Variants in RAB9B observed in about 807,000 individuals in gnomAD.
RAB9B encodes ras-related protein Rab-9B.
Under a neutral mutation model 8.9 loss-of-function variants are expected in RAB9B, and 1 was observed. That is an observed-to-expected ratio of 0.11 (90% CI 0.04 to 0.53). The LOEUF (loss-of-function observed/expected upper bound fraction) is 0.53. RAB9B is among the 20% of genes least tolerant of loss of function. RAB9B has a pLI of 0.93. For synonymous variants in RAB9B, 63 were observed against 57.0 expected (o/e 1.10, Z -0.47); for missense variants, 82 against 152.9 (o/e 0.54, Z 2.45).
At chrX:103,808,153 C>T in the RAB9B span, among the ~76,000 whole-genome samples, 3 of 111,832 alleles carry the variant, frequency 2.7e-5, no homozygotes, top group Admixed American at 9.5e-5. Context: ...AGGCAACACA[C>T]ATGCTGATGC....
chrX:103,777,790 G>A, the RAB9B span, among the ~76,000 whole-genome samples: 1 of 112,601 alleles, frequency 8.9e-6, no homozygotes, highest in Non-Finnish European at 1.9e-5. Flanking sequence ...TCTACTCAGA[G>A]TAATGTGTGC....
the RAB9B span, among the ~76,000 whole-genome samples, chrX:103,794,765 C>T: frequency 3.6e-5 from 4 of 111,896 alleles, no homozygotes; most frequent in Admixed American, 2.8e-4. Context: ...CATCAATAAG[C>T]AGGTAAGGAC....
the RAB9B span, among the ~76,000 whole-genome samples, chrX:103,805,885 T>C: frequency 8.9e-6 from 1 of 111,836 alleles, no homozygotes; most frequent in African/African-American, 3.2e-5. Context: ...TTTGATTTTG[T>C]TGATTTTCTC....
Position 103,825,665 on chromosome X carries a change from T to C in RAB9B, c.120A>G (p.Ile40Met). The C allele has an allele frequency of 8.3e-7, 1 of 1,210,884 alleles. No homozygotes were observed. Among genetic ancestry groups the C allele is most frequent in the Non-Finnish European group, 1.1e-6 (1 of 895,010 alleles). The change falls in exon 3 of 3, where the codon ATA becomes ATG. Residue 40 changes from isoleucine (I) to methionine (M), a missense_variant. Transcript: ENST00000243298. ...NKFDSQAFHT[I>M]GVEFLNRDLE... is the part of the protein sequence containing the mutation. ...GATCTCGATTTAAGAACTCTACCCC[T>C]ATGGTGTGAAAAGCCTGGGAGTCAA...
At chrX:103,800,282 A>C in the RAB9B span, among the ~76,000 whole-genome samples, 9 of 100,342 alleles carry the variant, frequency 9.0e-5, no homozygotes, top group Non-Finnish European at 1.8e-4. Flanking sequence ...GTAAGAGCAG[A>C]CTGTTATTAT....
At chrX:103,807,731 C>T in the RAB9B span, among the ~76,000 whole-genome samples, 1 of 54 alleles carries the variant, frequency 0.019, no homozygotes, top group Non-Finnish European at 0.034. Flanking sequence ...GGGAGGCTCC[C>T]CCAAAGGGCT....
the RAB9B span, among the ~76,000 whole-genome samples, chrX:103,808,234 C>T: frequency 8.9e-6 from 1 of 111,920 alleles, no homozygotes; most frequent in African/African-American, 3.2e-5. Context: ...CCTTGAAAAA[C>T]CATTTAGCTT....
chrX:103,816,750 C>T, the RAB9B span, among the ~76,000 whole-genome samples: 2 of 112,137 alleles, frequency 1.8e-5, no homozygotes, highest in South Asian at 3.7e-4. Context: ...AATCAAACAA[C>T]CCCATCAAAA....
the RAB9B span, chrX:103,790,630 C>T: frequency 9.4e-7 from 1 of 1,065,763 alleles, no homozygotes. Context: ...TCTCTAATAG[C>T]GAGGCTCTAA....
rs2147784044 is a variant in RAB9B at position 103,822,604 on chromosome X, C to A, written c.*2575G>T. ...ATATTCTGTATGATGTTTTAACAGA[C>A]CATTGAAAAACAGTATAGTCCTAAT... is the stretch of plus-strand genomic sequence containing the variant. On this transcript the variant is annotated 3_prime_UTR_variant, in exon 3 of 3. Transcript: ENST00000243298. 9.0e-6 allele frequency: 1 copy of A among 111,316 alleles called. No individual in the cohort carries two copies. Among genetic ancestry groups the A allele is most frequent in the African/African-American group, 3.3e-5 (1 of 30,665 alleles). The allele number at this position is 111,316 out of a possible 1,213,427, so 9.2% of individuals were successfully genotyped here. A position where few individuals can be genotyped will look rare whatever the true frequency, so the allele number is the denominator to read the frequency against.
chrX:103,786,443 G>A, the RAB9B span: 10 of 1,202,212 alleles, frequency 8.3e-6, no homozygotes, highest in East Asian at 5.9e-5. Flanking sequence ...CCCTGGTCTC[G>A]TTTGTCTACC....
At chrX:103,798,334 CATG>C in the RAB9B span, among the ~76,000 whole-genome samples, 1 of 111,643 alleles carries the variant, frequency 9.0e-6, no homozygotes, top group Admixed American at 9.5e-5. Flanking sequence ...TTATTTGAAA[CATG>C]ATATTATTAA....
At chrX:103,813,760 A>C in the RAB9B span, among the ~76,000 whole-genome samples, 2 of 100,231 alleles carry the variant, frequency 2.0e-5, no homozygotes, top group African/African-American at 7.6e-5. Context: ...AAAAAAAAAA[A>C]AAAAAAAAAA....
chrX:103,798,248 A>G, the RAB9B span, among the ~76,000 whole-genome samples: 1 of 112,561 alleles, frequency 8.9e-6, no homozygotes, highest in African/African-American at 3.2e-5. Context: ...AACAACATTT[A>G]AAAGTATAAG....
chrX:103,787,394 A>G, the RAB9B span: 10 of 205,964 alleles, frequency 4.9e-5, no homozygotes, highest in Non-Finnish European at 6.2e-5. Flanking sequence ...TTAATCTCCT[A>G]TTGGCTTTGT....
At chrX:103,814,334 A>G in the RAB9B span, among the ~76,000 whole-genome samples, 1 of 112,093 alleles carries the variant, frequency 8.9e-6, no homozygotes, top group East Asian at 2.8e-4. Flanking sequence ...CTCCTGAATG[A>G]CTACTGGGTA....
chrX:103,821,724 T>A (rs1384562772), downstream of RAB9B, among the ~76,000 whole-genome samples: 1 of 111,919 alleles, frequency 8.9e-6, no homozygotes, highest in Admixed American at 9.5e-5. Flanking sequence ...CTGTTTATAT[T>A]TTTTGATGGT....
the RAB9B span, among the ~76,000 whole-genome samples, chrX:103,797,872 G>A: frequency 8.9e-6 from 1 of 111,748 alleles, no homozygotes; most frequent in African/African-American, 3.3e-5. Flanking sequence ...TGAAGGAAGT[G>A]TACTCCATTC....
At chrX:103,776,791 G>A in the RAB9B span, 4 of 433,231 alleles carry the variant, frequency 9.2e-6, no homozygotes, top group South Asian at 1.3e-4. Flanking sequence ...GAGAGGAGGA[G>A]GAAAGCAGGC....
Sources: gnomAD v4.1 joint callset for allele counts (sites outside exome capture counted in the v4.1 genomes callset) on GRCh38, gnomAD v4.1.1 for gene constraint, MANE v1.5 for transcripts, NCBI Gene and HGNC (gene_info 2026-07-23, HGNC 2026-07-21) for gene names.